TRIO: variants seen among roughly 807,000 people sequenced by gnomAD.
TRIO encodes the protein triple functional domain protein.
Under a neutral mutation model 351.9 loss-of-function variants are expected in TRIO, and 58 were observed. That is an observed-to-expected ratio of 0.16 (90% CI 0.13 to 0.21). The LOEUF (loss-of-function observed/expected upper bound fraction) is 0.21, where lower values mean the gene tolerates loss of function less well. Among genes scored for constraint, TRIO ranks in the 10% least tolerant of loss-of-function variants. TRIO has a pLI of 1.00. For synonymous variants in TRIO, 1,758 were observed against 1,595.7 expected (o/e 1.10, Z -2.42); for missense variants, 3,201 against 4,027.8 (o/e 0.79, Z 5.56).
chr5:14,308,625 A>G (rs951028745), intron 8 of TRIO, among the ~76,000 whole-genome samples: 2 of 135,400 alleles, frequency 1.5e-5, no homozygotes, highest in Non-Finnish European at 3.2e-5. Flanking sequence ...CATTCATCCA[A>G]CCAGTCACCC....
intron 11 of TRIO, among the ~76,000 whole-genome samples, chr5:14,349,257 ATGTGTTTTTCCTGTG>A (rs1561374460): frequency 9.5e-6 from 1 of 105,512 alleles, no homozygotes; most frequent in African/African-American, 3.8e-5. Flanking sequence ...ACACGTGAGC[ATGTGTTTTTCCTGTG>A]TGTATGTGTG....
intron 3 of TRIO, among the ~76,000 whole-genome samples, chr5:14,285,633 A>C (rs1736375132): frequency 6.6e-6 from 1 of 152,168 alleles, no homozygotes; most frequent in Non-Finnish European, 1.5e-5. Flanking sequence ...TGCATTACTT[A>C]ATGATAGCAA....
At chr5:14,390,340 G>C (rs767890467) in intron 26 of TRIO, 40 bp downstream of exon 26, 2 of 1,597,992 alleles carry the variant, frequency 1.3e-6, no homozygotes, top group Non-Finnish European at 8.6e-7. Context: ...CCAGCTATTA[G>C]GTGACGTTGA....
intron 6 of TRIO, 78 bp from the exon 7 acceptor site, chr5:14,296,994 G>A: frequency 7.7e-7 from 1 of 1,293,556 alleles, no homozygotes; most frequent in Non-Finnish European, 1.1e-6. Context: ...GTTTCAGCAG[G>A]TGGCATCTGG....
chr5:14,497,089 T>C lies in TRIO; in HGVS notation c.8019+72T>C. 6.4e-7 allele frequency: 1 copy of C among 1,573,954 alleles called. No homozygotes were observed. Among genetic ancestry groups the C allele is most frequent in the Non-Finnish European group, 8.6e-7 (1 of 1,159,424 alleles). ...AAAGGATCAGGGAGGGCAGAGACTC[T>C]GCAGACCTGAAGCTGGGCTTGCTTA... On this transcript the variant is annotated intron_variant, in intron 50 of 56. Coordinates refer to ENST00000344204, the MANE Select transcript of TRIO (RefSeq NM_007118.4). This position sits in a 1 kb window ranked among gnomAD's most constrained non-coding sequence, Gnocchi z 4.4.
chr5:14,287,802 T>C (rs1217919716), intron 4 of TRIO, among the ~76,000 whole-genome samples: 1 of 152,236 alleles, frequency 6.6e-6, no homozygotes, highest in Admixed American at 6.5e-5. Context: ...TATTTTCTAA[T>C]AAGAAATACT....
chr5:14,167,524 A>G, intron 1 of TRIO, among the ~76,000 whole-genome samples: 1 of 152,228 alleles, frequency 6.6e-6, no homozygotes, highest in East Asian at 1.9e-4. Flanking sequence ...CTTGTTAAAG[A>G]AAAAGTATTT....
intron 34 of TRIO, among the ~76,000 whole-genome samples, chr5:14,456,701 C>G (rs942942387): frequency 6.6e-6 from 1 of 152,156 alleles, no homozygotes; most frequent in African/African-American, 2.4e-5. Context: ...TTCTAGAGCT[C>G]TGTGTTTATG....
intron 1 of TRIO, among the ~76,000 whole-genome samples, chr5:14,213,154 G>C (rs150387408): frequency 1.4e-3 from 214 of 152,254 alleles, no homozygotes; most frequent in African/African-American, 5.0e-3. Flanking sequence ...TTTGCACTTA[G>C]AGCGCAGAAG....
At chr5:14,368,335 A>T (rs1485152441) in intron 16 of TRIO, among the ~76,000 whole-genome samples, 1 of 152,130 alleles carries the variant, frequency 6.6e-6, no homozygotes, top group Non-Finnish European at 1.5e-5. Context: ...CTGCTTGTTC[A>T]TTTGCTTCCA....
intron 53 of TRIO, among the ~76,000 whole-genome samples, chr5:14,501,335 G>T (rs1012313228): frequency 6.6e-6 from 1 of 152,182 alleles, no homozygotes; most frequent in Non-Finnish European, 1.5e-5. Flanking sequence ...ACAAAACGTA[G>T]CCTTTGGTTT....
chr5:14,241,677 A>G (rs1794137388), intron 1 of TRIO, among the ~76,000 whole-genome samples: 1 of 152,166 alleles, frequency 6.6e-6, no homozygotes, highest in Admixed American at 6.5e-5. Context: ...AAATAGCACA[A>G]TTTTCAAGAA....
At chr5:14,432,454 C>T (rs1028719652) in intron 34 of TRIO, among the ~76,000 whole-genome samples, 11 of 152,232 alleles carry the variant, frequency 7.2e-5, no homozygotes, top group Admixed American at 3.9e-4. Context: ...GTCCTAAGTT[C>T]GCTGCACTCT....
At chr5:14,363,660 C>T (rs886193903) in intron 13 of TRIO, 72 bp from the exon 14 acceptor site, 12 of 1,434,022 alleles carry the variant, frequency 8.4e-6, no homozygotes, top group Non-Finnish European at 3.8e-6. Flanking sequence ...CTCTTCCTTC[C>T]TTACTTGGTA....
At chr5:14,493,154 CT>C (rs1365003051) in intron 49 of TRIO, among the ~76,000 whole-genome samples, 15 of 152,128 alleles carry the variant, frequency 9.9e-5, no homozygotes, top group African/African-American at 3.6e-4. Context: ...TATCCCCTAT[CT>C]TTGTTTCTTT....
At chr5:14,157,398 C>G (rs1041084189) in intron 1 of TRIO, among the ~76,000 whole-genome samples, 4 of 149,426 alleles carry the variant, frequency 2.7e-5, no homozygotes, top group African/African-American at 7.4e-5. Flanking sequence ...TCTCTCTCCC[C>G]CTCCCCGCCT....
intron 10 of TRIO, among the ~76,000 whole-genome samples, chr5:14,336,065 G>C (rs1199152982): frequency 6.6e-6 from 1 of 152,226 alleles, no homozygotes; most frequent in Non-Finnish European, 1.5e-5. Context: ...AAAAGGGATA[G>C]CAACTTATGT....
intron 34 of TRIO, among the ~76,000 whole-genome samples, chr5:14,431,353 C>A (rs1257196473): frequency 6.6e-6 from 1 of 152,204 alleles, no homozygotes; most frequent in Admixed American, 6.5e-5. Context: ...CTTCCCGAAA[C>A]CTTTCTAGCC....
intron 47 of TRIO, 30 bp from the exon 48 acceptor site, chr5:14,487,434 C>T (rs780494070): frequency 9.1e-7 from 1 of 1,099,702 alleles, no homozygotes; most frequent in African/African-American, 1.7e-5. Context: ...GGCGCCCTGA[C>T]CCAGTCTCTC....
Sources: gnomAD v4.1 joint callset for allele counts (sites outside exome capture counted in the v4.1 genomes callset) on GRCh38, gnomAD v4.1.1 for gene constraint, Gnocchi (gnomAD v3.1) non-coding constraint, MANE v1.5 for transcripts, NCBI Gene and HGNC (gene_info 2026-07-23, HGNC 2026-07-21) for gene names.